ANK2: variants seen among roughly 807,000 people sequenced by gnomAD.
ANK2 encodes the protein ankyrin-2.
ANK2 carries 83 observed loss-of-function variants against 360.5 expected under a neutral mutation model. That is an observed-to-expected ratio of 0.23 (90% CI 0.19 to 0.28). The LOEUF is 0.28. Ranked by LOEUF, ANK2 falls within the 10% of genes least tolerant of loss-of-function variation. ANK2 has a pLI of 1.00. For missense variants in ANK2, 4,201 were observed against 4,795.7 expected (o/e 0.88, Z 3.66); for synonymous variants, 1,740 against 1,759.5 (o/e 0.99, Z 0.28).
chr4:112,885,349 A>G (rs1366548331), intron 1 of ANK2, among the ~76,000 whole-genome samples: 2 of 151,448 alleles, frequency 1.3e-5, no homozygotes, highest in Non-Finnish European at 2.9e-5. Context: ...AAATATAAAA[A>G]TTAGCTGGGT....
chr4:112,748,762 T>G, the ANK2 span, among the ~76,000 whole-genome samples: 1 of 152,234 alleles, frequency 6.6e-6, no homozygotes, highest in African/African-American at 2.4e-5. Flanking sequence ...GGAGGACATT[T>G]TGAAACACAC....
At position 113,179,927 on chromosome 4, in the gene ANK2, A is replaced by G. The variant is rs140943779; in HGVS notation, c.186+5410A>G. Reference sequence around the variant, plus strand: ...AAAGACTATCACTTAGCATTTATTTAATACAATCCTGGATATGATACCAGT... The same window carrying G: ...AAAGACTATCACTTAGCATTTATTTGATACAATCCTGGATATGATACCAGT... On this transcript the variant is annotated intron_variant, in intron 2 of 45. Transcript: ENST00000357077. 1.3e-3 allele frequency among the ~76,000 whole-genome samples: 193 copies of G among 152,370 alleles called. 4 individuals are homozygous for G. Among genetic ancestry groups the G allele is most frequent in the Admixed American group, 9.3e-3 (143 of 15,302 alleles).
At chr4:112,807,770 A>G in the ANK2 span, among the ~76,000 whole-genome samples, 7 of 152,242 alleles carry the variant, frequency 4.6e-5, no homozygotes, top group African/African-American at 7.2e-5. Flanking sequence ...GCCTTGGGCA[A>G]TTCCCCAGAA....
intron 14 of ANK2, among the ~76,000 whole-genome samples, chr4:113,265,808 CCTT>C (rs1211033225): frequency 6.6e-6 from 1 of 152,140 alleles, no homozygotes; most frequent in African/African-American, 2.4e-5. Context: ...TAATTTCCCT[CCTT>C]CTTCAATATT....
rs567605960 is a variant in ANK2, at chr4:113,055,260, G to T, written c.84+5448G>T. Among the ~76,000 whole-genome samples the T allele has an allele frequency of 5.3e-5, 8 of 152,208 alleles. No homozygotes were observed. The South Asian group carries it at 8.3e-4, about 16-fold the overall frequency. ...TAAATAAAAATAAAAAATTAGCCAG[G>T]CATGGTTGTACATGCCAGTAGTCCC... On this transcript the variant is annotated intron_variant, in intron 1 of 45. Transcript: ENST00000357077.
chr4:113,325,287 C>T (rs2089179136), intron 26 of ANK2, among the ~76,000 whole-genome samples: 1 of 152,116 alleles, frequency 6.6e-6, no homozygotes, highest in African/African-American at 2.4e-5. Flanking sequence ...GAAGTAATAG[C>T]AGTTTATTTT....
intron 34 of ANK2, among the ~76,000 whole-genome samples, chr4:113,343,512 T>TA (rs2094505093): frequency 6.6e-6 from 1 of 152,244 alleles, no homozygotes; most frequent in South Asian, 2.1e-4. Flanking sequence ...AAAAGAGTTC[T>TA]AAGTGGCAAC....
At chr4:113,331,948 C>T (rs372521447) in intron 27 of ANK2, 24 bp from the exon 28 acceptor site, 2 of 1,591,060 alleles carry the variant, frequency 1.3e-6, no homozygotes, top group African/African-American at 2.7e-5. Flanking sequence ...TTCTTTCTTT[C>T]ACTGCTGCTT....
chr4:112,802,295 T>C, the ANK2 span, among the ~76,000 whole-genome samples: 1 of 152,270 alleles, frequency 6.6e-6, no homozygotes, highest in South Asian at 2.1e-4. Flanking sequence ...GATGCCACTG[T>C]GGAATTAAGA....
At chr4:113,062,913 C>T (rs2074134498) in intron 1 of ANK2, among the ~76,000 whole-genome samples, 1 of 151,900 alleles carries the variant, frequency 6.6e-6, no homozygotes, top group African/African-American at 2.4e-5. Context: ...TGATTATTTT[C>T]CCTGGGCCTA....
intron 1 of ANK2, among the ~76,000 whole-genome samples, chr4:113,140,817 A>G (rs2096609249): frequency 6.6e-6 from 1 of 152,208 alleles, no homozygotes; most frequent in East Asian, 1.9e-4. Flanking sequence ...TGTCTCTACT[A>G]AAAACACAAA....
intron 1 of ANK2, among the ~76,000 whole-genome samples, chr4:113,149,903 A>AAAAAAAAAAAAAAAAAAAAAAAAAAAT (rs2096984627): frequency 6.7e-6 from 1 of 148,664 alleles, no homozygotes; most frequent in African/African-American, 2.5e-5. Context: ...AAAAAAAAGA[A>AAAAAAAAAAAAAAAAAAAAAAAAAAAT]AGATTGAAAG....
At chr4:113,097,792 A>G (rs1344055005) in intron 1 of ANK2, among the ~76,000 whole-genome samples, 2 of 150,550 alleles carry the variant, frequency 1.3e-5, no homozygotes, top group Non-Finnish European at 1.5e-5. Context: ...CATTAGCTCA[A>G]AGTAAAAACC....
At chr4:113,305,282 G>GT (rs1019515104) in intron 23 of ANK2, among the ~76,000 whole-genome samples, 1 of 139,618 alleles carries the variant, frequency 7.2e-6, no homozygotes, top group Non-Finnish European at 1.5e-5. Flanking sequence ...GGAGCTTGCA[G>GT]TGAGCCGAGA....
chr4:113,094,648 C>A (rs796320410), intron 1 of ANK2, among the ~76,000 whole-genome samples: 7 of 152,190 alleles, frequency 4.6e-5, no homozygotes, highest in African/African-American at 1.7e-4. Flanking sequence ...ATTTAGTGTA[C>A]ATATTTAGTG....
At chr4:112,978,833 T>G (rs2042224986) in intron 2 of ANK2, among the ~76,000 whole-genome samples, 1 of 152,350 alleles carries the variant, frequency 6.6e-6, no homozygotes, top group South Asian at 2.1e-4. Context: ...GAATTTGGCA[T>G]AGTCATTTGA....
chr4:112,796,655 CTT>C, the ANK2 span, among the ~76,000 whole-genome samples: 34,662 of 135,436 alleles, frequency 0.26, 4,375 homozygotes, highest in East Asian at 0.53. Flanking sequence ...TGGCCACCTT[CTT>C]TTTTTTTTTT....
intron 1 of ANK2, among the ~76,000 whole-genome samples, chr4:112,873,923 G>A (rs2074133171): frequency 6.6e-6 from 1 of 151,956 alleles, no homozygotes; most frequent in African/African-American, 2.4e-5. Flanking sequence ...ATTTATTAAA[G>A]CTTGCTTTGT....
intron 2 of ANK2, among the ~76,000 whole-genome samples, chr4:113,175,103 C>T (rs1391513964): frequency 5.9e-5 from 9 of 152,056 alleles, no homozygotes; most frequent in Non-Finnish European, 1.3e-4. Context: ...AAGATTTTTA[C>T]ATCATGAATT....
Sources: allele counts gnomAD v4.1 joint callset (sites outside exome capture counted in the v4.1 genomes callset), GRCh38; gene constraint gnomAD v4.1.1; transcripts MANE v1.5; gene names NCBI Gene and HGNC (gene_info 2026-07-23, HGNC 2026-07-21).